The following UBN2 variants were observed in gnomAD, a reference collection of about 807,000 sequenced individuals.
UBN2 encodes ubinuclein-2.
A neutral mutation model predicts 120.2 loss-of-function variants in UBN2; 35 were observed. The observed-to-expected ratio is 0.29, with a 90% CI of 0.22 to 0.39. The LOEUF is 0.39. Among genes scored for constraint, UBN2 ranks in the 10% least tolerant of loss-of-function variants. The pLI, the probability that UBN2 is intolerant of heterozygous loss-of-function variation, is 1.00. For missense variants in UBN2, 1,693 were observed against 1,663.2 expected (o/e 1.02, Z -0.31); for synonymous variants, 661 against 648.7 (o/e 1.02, Z -0.29).
the UBN2 span, among the ~76,000 whole-genome samples, chr7:139,326,794 T>C: frequency 5.3e-5 from 8 of 152,298 alleles, no homozygotes; most frequent in East Asian, 1.5e-3. Flanking sequence ...ACTGCCAGTG[T>C]GCTGTAGCAG....
intron 2 of UBN2, among the ~76,000 whole-genome samples, chr7:139,242,061 A>G (rs1330170126): frequency 6.6e-6 from 1 of 152,190 alleles, no homozygotes. Flanking sequence ...TTTCCAGATA[A>G]TGTTTTAAAG....
Position 139,283,018 on chromosome 7 carries a change from C to G in UBN2, c.2119-6C>G, listed in dbSNP as rs1797659627. On this transcript the variant is annotated splice_polypyrimidine_tract_variant and splice_region_variant and intron_variant, in intron 14 of 17. Transcript: ENST00000473989. ...CTATTTTTTTCCATATGATGCTTTA[C>G]ATTAGGAGTGTAGTCCAAAAAAGGA... is the stretch of plus-strand genomic sequence containing the variant. 1 of 1,565,074 alleles carries G rather than the reference C, an allele frequency of 6.4e-7. No individual in the cohort carries two copies. The highest frequency in any genetic ancestry group is 1.4e-5 in the African/African-American group (1 of 72,234).
At chr7:139,250,639 C>T (rs1796599716) in intron 2 of UBN2, among the ~76,000 whole-genome samples, 2 of 151,982 alleles carry the variant, frequency 1.3e-5, no homozygotes, top group African/African-American at 4.8e-5. Context: ...CAGCTTCCCC[C>T]AGTAGTAATA....
intron 8 of UBN2, among the ~76,000 whole-genome samples, chr7:139,269,958 A>G (rs1797217863): frequency 6.6e-6 from 1 of 152,020 alleles, no homozygotes; most frequent in South Asian, 2.1e-4. Context: ...GCAGGCTGGC[A>G]TCATTACCCT....
chr7:139,315,579 T>C, the UBN2 span, among the ~76,000 whole-genome samples: 13 of 152,222 alleles, frequency 8.5e-5, no homozygotes, highest in Non-Finnish European at 8.8e-5. Context: ...TTAGCAATTA[T>C]GAATAATGCT....
rs1432206382 is a variant in UBN2, at chr7:139,283,927, A to G, written c.3022A>G (p.Thr1008Ala). The part of the protein sequence containing the change: ...PLVSRTVPST[T>A]TSSNYLAKAM... ...GGTTTCTAGGACAGTACCTAGCACC[A>G]CTACCTCCAGTAACTATTTAGCCAA... Residue 1008 changes from threonine to alanine, a missense_variant, in exon 15 of 18, where the codon ACT becomes GCT. Thr to Ala is a moderately conservative substitution (Grantham distance 58). This residue lies in a region of UBN2 where 837 missense variants were observed against 817.6 expected (regional missense o/e 1.02). Coordinates refer to ENST00000473989, the MANE Select transcript of UBN2 (RefSeq NM_173569.4). The G allele has an allele frequency of 2.5e-6, 4 of 1,614,040 alleles. 1 individual carries two copies. The highest frequency in any genetic ancestry group is 3.3e-5 in the Admixed American group (2 of 59,992).
Position 139,293,264 on chromosome 7 carries a change from C to T in UBN2, c.3702C>T (p.Ala1234=). ...CAGGAGCATCATTATTGGCTAATGC[C>T]TCACCTCTGACTCTCATGACATCAC... The part of the protein sequence containing the change: ...STAGASLLAN[A]SPLTLMTSPL... Residue 1234 remains alanine (A), a synonymous_variant, in exon 16 of 18, where the codon GCC becomes GCT. Coordinates refer to ENST00000473989, the MANE Select transcript of UBN2 (RefSeq NM_173569.4). 1 of 1,614,186 alleles carries T rather than the reference C, an allele frequency of 6.2e-7. No individual in the cohort carries two copies. Among genetic ancestry groups the T allele is most frequent in the South Asian group, 1.1e-5 (1 of 91,078 alleles).
At chr7:139,320,291 G>A in the UBN2 span, among the ~76,000 whole-genome samples, 5 of 151,574 alleles carry the variant, frequency 3.3e-5, no homozygotes, top group South Asian at 2.1e-4. Flanking sequence ...GTGAAACCCC[G>A]TCTCTACTAA....
At chr7:139,258,751 A>G in intron 4 of UBN2, 126 bp downstream of exon 4, 1 of 757,990 alleles carries the variant, frequency 1.3e-6, no homozygotes, top group Non-Finnish European at 1.9e-6. Context: ...TCATGAATAT[A>G]TAATTACATG....
Position 139,299,899 on chromosome 7 carries a change from T to C in UBN2, c.*2063T>C, listed in dbSNP as rs1798212781. On this transcript the variant is annotated 3_prime_UTR_variant, in exon 18 of 18. Coordinates refer to ENST00000473989, the MANE Select transcript of UBN2 (RefSeq NM_173569.4). ...TTCCTTTGGGAAGGTAGCCTTTGTT[T>C]TACTTCTCATACCACAAGAGAAGTC... is the stretch of plus-strand genomic sequence containing the variant. 1 of 152,170 alleles carries C rather than the reference T, an allele frequency of 6.6e-6. No homozygotes were observed. The highest frequency in any genetic ancestry group is 2.1e-4 in the South Asian group (1 of 4,830). 9.4% of individuals were successfully genotyped at this position (152,170 alleles called of 1,614,324 possible). A position where few individuals can be genotyped will look rare whatever the true frequency, so the allele number is the denominator to read the frequency against.
At chr7:139,258,702 C>A in intron 4 of UBN2, 77 bp downstream of exon 4, 2 of 1,277,840 alleles carry the variant, frequency 1.6e-6, no homozygotes, top group Non-Finnish European at 1.0e-6. Flanking sequence ...TTGTGTCACA[C>A]GTGTGAATGT....
At chr7:139,287,336 A>G (rs1797819327) in intron 15 of UBN2, among the ~76,000 whole-genome samples, 1 of 152,132 alleles carries the variant, frequency 6.6e-6, no homozygotes, top group South Asian at 2.1e-4. Context: ...GATTTTATCA[A>G]TTTTATAAAA....
intron 11 of UBN2, among the ~76,000 whole-genome samples, chr7:139,275,104 C>G (rs1265725120): frequency 6.6e-6 from 1 of 151,458 alleles, no homozygotes; most frequent in Non-Finnish European, 1.5e-5. Flanking sequence ...ATGGTGAAAC[C>G]CTGTATCTAC....
the UBN2 span, among the ~76,000 whole-genome samples, chr7:139,327,454 G>A: frequency 1.3e-5 from 2 of 152,122 alleles, no homozygotes; most frequent in Non-Finnish European, 2.9e-5. Context: ...CTGGAGGCTC[G>A]GAAGTCCAAT....
the UBN2 span, among the ~76,000 whole-genome samples, chr7:139,321,430 T>TGGG: frequency 6.6e-6 from 1 of 152,196 alleles, no homozygotes; most frequent in South Asian, 2.1e-4. Context: ...ACACGTGGAC[T>TGGG]GGGATTTGAC....
chr7:139,296,338 G>A (rs79655936), intron 17 of UBN2, among the ~76,000 whole-genome samples: 1,655 of 152,290 alleles, frequency 0.011, 37 homozygotes, highest in African/African-American at 0.039. Flanking sequence ...AAACACATGA[G>A]TATGACTGTA....
chr7:139,242,062 T>A (rs1286974978), intron 2 of UBN2, among the ~76,000 whole-genome samples: 1 of 152,150 alleles, frequency 6.6e-6, no homozygotes, highest in Non-Finnish European at 1.5e-5. Flanking sequence ...TTCCAGATAA[T>A]GTTTTAAAGA....
chr7:139,310,132 A>G (rs1029741417), downstream of UBN2, among the ~76,000 whole-genome samples: 5 of 152,170 alleles, frequency 3.3e-5, no homozygotes, highest in Non-Finnish European at 7.4e-5. Context: ...TCTTCCACTC[A>G]GACCTTAGTA....
the UBN2 span, among the ~76,000 whole-genome samples, chr7:139,318,824 G>T: frequency 6.6e-6 from 1 of 152,234 alleles, no homozygotes; most frequent in East Asian, 1.9e-4. Flanking sequence ...GGGCCTCGAA[G>T]TTAGGATGGA....
Sources: gnomAD v4.1 joint callset for allele counts (sites outside exome capture counted in the v4.1 genomes callset) on GRCh38, gnomAD v4.1.1 for gene constraint, gnomAD v4.1.1 regional missense constraint, MANE v1.5 for transcripts, NCBI Gene and HGNC (gene_info 2026-07-23, HGNC 2026-07-21) for gene names.